Variants in CELF5 observed in about 807,000 individuals in gnomAD.
The protein encoded by CELF5 is CUGBP Elav-like family member 5.
In CELF5, 6 loss-of-function variants were observed where a neutral mutation model predicts 54.9. The ratio of observed to expected loss-of-function variants is 0.11; its 90% CI spans 0.06 to 0.22. CELF5 has a LOEUF of 0.22. CELF5 is among the 10% of genes least tolerant of loss of function. CELF5 has a pLI of 1.00. For missense variants in CELF5, 401 were observed against 678.6 expected (o/e 0.59, Z 4.54); for synonymous variants, 271 against 290.9 (o/e 0.93, Z 0.70).
Position 3,278,162 on chromosome 19 carries a change from G to T in CELF5, c.603+52G>T. 8.7e-7 allele frequency: 1 copy of T among 1,142,906 alleles called. No homozygotes were observed. The highest frequency in any genetic ancestry group is 1.5e-5 in the African/African-American group (1 of 65,616). 70.8% of individuals were successfully genotyped at this position (1,142,906 alleles called of 1,614,324 possible). ...GGGGTGGGGGTGGGAAAGGGGTGAG[G>T]GGGACAGGGATGAAACAGGCCATAT... On this transcript the variant is annotated intron_variant, in intron 5 of 12. Transcript: ENST00000292672. The surrounding 1 kb of genome is among the most constrained non-coding windows in gnomAD (Gnocchi z 4.5).
At chr19:3,235,967 G>A (rs929466143) in intron 1 of CELF5, among the ~76,000 whole-genome samples, 15 of 152,094 alleles carry the variant, frequency 9.9e-5, no homozygotes, top group African/African-American at 2.4e-4. Flanking sequence ...GACTGAAGCC[G>A]TAGGAGTCAA....
intron 10 of CELF5, chr19:3,286,285 A>G: frequency 2.3e-6 from 1 of 427,716 alleles, no homozygotes; most frequent in African/African-American, 2.1e-5. Flanking sequence ...CCTCTCCAGA[A>G]CCAAGAGTGA....
chr19:3,246,667 C>T (rs1189334383), intron 1 of CELF5, among the ~76,000 whole-genome samples: 1 of 150,490 alleles, frequency 6.6e-6, no homozygotes, highest in Non-Finnish European at 1.5e-5. Context: ...GAGCTGTGAT[C>T]ACACCACTGC....
intron 12 of CELF5, chr19:3,293,820 G>T (rs1337954494): frequency 1.4e-5 from 3 of 222,010 alleles, no homozygotes; most frequent in East Asian, 1.1e-4. Context: ...GTGGGGGTGC[G>T]GTGGGGAGGG....
rs1555720976 is a variant in CELF5, at chr19:3,256,064, C to CAAAAAAAAAAAAAAAA, written c.342+5006_342+5007insAAAAAAAAAAAAAAAA. Among the ~76,000 whole-genome samples, 55 of 139,574 alleles carry CAAAAAAAAAAAAAAAA rather than the reference C, an allele frequency of 3.9e-4. 1 individual carries two copies. The highest frequency in any genetic ancestry group is 1.3e-3 in the African/African-American group (49 of 37,264). 91.6% of individuals were successfully genotyped at this position (139,574 alleles called of 152,430 possible). A position where few individuals can be genotyped will look rare whatever the true frequency, so the allele number is the denominator to read the frequency against. ...TGGGTGACAGAACAAGACCCTGTCT[C>CAAAAAAAAAAAAAAAA]AAAAAAAAAGGAAAGGTGCGAAGTG... On this transcript the variant is annotated intron_variant, in intron 2 of 12. Transcript: ENST00000292672.
intron 1 of CELF5, among the ~76,000 whole-genome samples, chr19:3,230,334 G>A (rs1222930385): frequency 1.3e-5 from 2 of 152,154 alleles, no homozygotes; most frequent in Non-Finnish European, 2.9e-5. Flanking sequence ...TTTCCAGGTG[G>A]AGAAAGCATT....
At chr19:3,270,407 C>T (rs547271812) in intron 2 of CELF5, among the ~76,000 whole-genome samples, 9 of 148,894 alleles carry the variant, frequency 6.0e-5, no homozygotes, top group African/African-American at 2.0e-4. Context: ...GAGAGGGAGC[C>T]GGGAGGAGGT....
intron 2 of CELF5, among the ~76,000 whole-genome samples, chr19:3,271,621 C>T (rs2079965893): frequency 1.3e-5 from 2 of 151,782 alleles, no homozygotes; most frequent in South Asian, 2.1e-4. Context: ...AGGAGGGTGT[C>T]AGAATGGGAG....
At chr19:3,262,514 G>A (rs992384146) in intron 2 of CELF5, among the ~76,000 whole-genome samples, 7 of 152,250 alleles carry the variant, frequency 4.6e-5, no homozygotes, top group Middle Eastern at 3.4e-3. Flanking sequence ...CATATGGGAC[G>A]TAGACTGTTC....
Position 3,228,829 on chromosome 19 carries a change from CG to C in CELF5, c.259+3835del, listed in dbSNP as rs1917095291. Among the ~76,000 whole-genome samples the C allele has an allele frequency of 8.5e-6, 1 of 117,588 alleles. No individual in the cohort carries two copies. The highest frequency in any genetic ancestry group is 1.8e-5 in the Non-Finnish European group (1 of 54,974). 77.1% of individuals were successfully genotyped at this position (117,588 alleles called of 152,430 possible). On this transcript the variant is annotated intron_variant, in intron 1 of 12. Transcript: ENST00000292672. The surrounding 1 kb of genome is among the most constrained non-coding windows in gnomAD (Gnocchi z 6.0). ...GAGCAGTTGGCACCCCTGGTGGTGG[CG>C]GGGACAGCGGCAGGGGGCTGGGGGT...
Position 3,278,617 on chromosome 19 carries a change from T to A in CELF5, c.603+507T>A, listed in dbSNP as rs1204674040. ...ATGTGTGTGAGCGTGTGTGTGAGTA[T>A]GCCTGGGCCACGGGGGAGGAAGCAC... is the stretch of plus-strand genomic sequence containing the variant. On this transcript the variant is annotated intron_variant, in intron 5 of 12. Coordinates refer to ENST00000292672, the MANE Select transcript of CELF5 (RefSeq NM_021938.4). The surrounding 1 kb of genome is among the most constrained non-coding windows in gnomAD (Gnocchi z 4.5). 2.0e-5 allele frequency among the ~76,000 whole-genome samples: 3 copies of A among 151,970 alleles called. No homozygotes were observed. The highest frequency in any genetic ancestry group is 7.3e-5 in the African/African-American group (3 of 41,368).
At position 3,282,191 on chromosome 19, in the gene CELF5, C is replaced by A; in HGVS notation, c.816C>A (p.Phe272Leu). 1 of 1,614,170 alleles carries A rather than the reference C, an allele frequency of 6.2e-7. No homozygotes were observed. The highest frequency in any genetic ancestry group is 8.5e-7 in the Non-Finnish European group (1 of 1,180,040). ...SGSYLSPGVA[F>L]SPCHIQQIGA... ...GCTACCTGAGTCCCGGCGTGGCCTT[C>A]TCACCCTGTCACATCCAGCAGATAG... Residue 272 changes from phenylalanine (F) to leucine (L), a missense_variant, in exon 7 of 13, where the codon TTC (phenylalanine) becomes TTA (leucine). Around this residue, in one of 6 missense-constraint regions of CELF5, gnomAD observed 87 missense variants for 190.2 expected, o/e 0.46. Transcript: ENST00000292672. The surrounding 1 kb of genome is among the most constrained non-coding windows in gnomAD (Gnocchi z 5.2).
At position 3,228,654 on chromosome 19, in the gene CELF5, G is replaced by A. The variant is rs939806172; in HGVS notation, c.259+3656G>A. ...GGCGGGGGCCCGGGTGGGGGCCCGC[G>A]GTTTCCATGGGAGCACCAGCTGCCG... On this transcript the variant is annotated intron_variant, in intron 1 of 12. Transcript: ENST00000292672. This position sits in a 1 kb window ranked among gnomAD's most constrained non-coding sequence, Gnocchi z 6.0. Among the ~76,000 whole-genome samples, 2 of 151,676 alleles carry A rather than the reference G, an allele frequency of 1.3e-5. No homozygotes were observed. Among genetic ancestry groups the A allele is most frequent in the Non-Finnish European group, 3.0e-5 (2 of 67,768 alleles).
At chr19:3,271,796 C>T (rs1176761321) in intron 2 of CELF5, among the ~76,000 whole-genome samples, 3 of 151,638 alleles carry the variant, frequency 2.0e-5, no homozygotes, top group South Asian at 2.1e-4. Context: ...AGAGTGGGCA[C>T]GGAGCTGGAA....
At chr19:3,284,355 C>T (rs1305473272) in intron 8 of CELF5, among the ~76,000 whole-genome samples, 2 of 152,206 alleles carry the variant, frequency 1.3e-5, no homozygotes, top group Non-Finnish European at 2.9e-5. Context: ...GCACACTCTC[C>T]ATTCGGGCAG....
intron 1 of CELF5, among the ~76,000 whole-genome samples, chr19:3,235,939 T>A (rs1214555891): frequency 6.6e-6 from 1 of 151,894 alleles, no homozygotes; most frequent in African/African-American, 2.4e-5. Context: ...ATGGGGAAAT[T>A]TCTGGTGTAG....
intron 3 of CELF5, 84 bp downstream of exon 3, chr19:3,274,007 C>A: frequency 7.1e-7 from 1 of 1,399,680 alleles, no homozygotes; most frequent in Non-Finnish European, 1.0e-6. Context: ...CTCTCTCCTG[C>A]AAAAGGGGCA....
rs1271083688 is a variant in CELF5 at position 3,278,435 on chromosome 19, G to A, written c.603+325G>A. ...AGACTGCATGCATGTGTGTGTGTGA[G>A]TGCGTGTTTGAGTGTGTCATTACTA... On this transcript the variant is annotated intron_variant, in intron 5 of 12. Transcript: ENST00000292672. The surrounding 1 kb of genome is among the most constrained non-coding windows in gnomAD (Gnocchi z 4.5). 3.3e-5 allele frequency among the ~76,000 whole-genome samples: 5 copies of A among 151,990 alleles called. No homozygotes were observed. Among genetic ancestry groups the A allele is most frequent in the African/African-American group, 1.2e-4 (5 of 41,352 alleles).
At chr19:3,227,037 A>G (rs981681504) in intron 1 of CELF5, among the ~76,000 whole-genome samples, 6 of 152,034 alleles carry the variant, frequency 3.9e-5, no homozygotes, top group Non-Finnish European at 7.4e-5. Context: ...ACAGCCGGCA[A>G]TCACCCTCCA....
Sources: allele counts gnomAD v4.1 joint callset (sites outside exome capture counted in the v4.1 genomes callset), GRCh38; gene constraint gnomAD v4.1.1; regional missense constraint gnomAD v4.1.1; non-coding constraint Gnocchi (gnomAD v3.1); transcripts MANE v1.5; gene names NCBI Gene and HGNC (gene_info 2026-07-23, HGNC 2026-07-21).